ADAMTS2: variants seen among roughly 807,000 people sequenced by gnomAD.
ADAMTS2 encodes the protein ADAM metallopeptidase with thrombospondin type 1 motif 2, also known as A disintegrin and metalloproteinase with thrombospondin motifs 2.
Under a neutral mutation model 123.0 loss-of-function variants are expected in ADAMTS2, and 50 were observed. The ratio of observed to expected loss-of-function variants is 0.41; its 90% CI spans 0.32 to 0.51. ADAMTS2 has a LOEUF of 0.51. ADAMTS2 is among the 20% of genes least tolerant of loss of function. ADAMTS2 has a pLI of 0.35. For synonymous variants in ADAMTS2, 678 were observed against 695.4 expected (o/e 0.98, Z 0.39); for missense variants, 1,494 against 1,705.2 (o/e 0.88, Z 2.18).
In ADAMTS2 at chr5:179,307,933, C is replaced by G. The variant is rs1756724116; in HGVS notation, c.535-34869G>C. On this transcript the variant is annotated intron_variant, in intron 2 of 21. Transcript: ENST00000251582. This position sits in a 1 kb window ranked among gnomAD's most constrained non-coding sequence, Gnocchi z 5.6. ...TTCTTTATTGGGTCACTCTCTGCCC[C>G]CTGACCAGGGATCTTACGAGAGCAA... is the stretch of plus-strand genomic sequence containing the variant. 6.6e-6 allele frequency among the ~76,000 whole-genome samples: 1 copy of G among 152,220 alleles called. No homozygotes were observed. The highest frequency in any genetic ancestry group is 1.5e-5 in the Non-Finnish European group (1 of 68,040).
chr5:179,244,390 C>A (rs1304015577), intron 3 of ADAMTS2, among the ~76,000 whole-genome samples: 1 of 152,180 alleles, frequency 6.6e-6, no homozygotes, highest in African/African-American at 2.4e-5. Flanking sequence ...AAGCTGTCAA[C>A]CAAGAATCTT....
chr5:179,232,037 C>T (rs1218423757), intron 3 of ADAMTS2, among the ~76,000 whole-genome samples: 4 of 152,148 alleles, frequency 2.6e-5, no homozygotes, highest in Non-Finnish European at 4.4e-5. Context: ...CAGTTGCCTC[C>T]GCATTCTGTC....
chr5:179,237,533 T>G (rs1243668163), intron 3 of ADAMTS2, among the ~76,000 whole-genome samples: 7 of 152,142 alleles, frequency 4.6e-5, no homozygotes, highest in Non-Finnish European at 8.8e-5. Context: ...CAGTGTCACT[T>G]CAGCTACTCT....
chr5:179,198,244 A>G (rs1393406509), intron 4 of ADAMTS2, among the ~76,000 whole-genome samples: 1 of 152,194 alleles, frequency 6.6e-6, no homozygotes, highest in African/African-American at 2.4e-5. Flanking sequence ...GCCAGAGTAG[A>G]AAGCTGGGAG....
intron 13 of ADAMTS2, 43 bp downstream of exon 13, chr5:179,135,866 G>A (rs1763057315): frequency 3.7e-6 from 6 of 1,611,842 alleles, no homozygotes; most frequent in Non-Finnish European, 5.1e-6. Context: ...AGGAAGCTGA[G>A]ACTTGACACG....
chr5:179,158,575 C>T lies in ADAMTS2; in HGVS notation c.1132+148G>A. The T allele has an allele frequency of 9.9e-7, 1 of 1,007,684 alleles. No individual in the cohort carries two copies. The highest frequency in any genetic ancestry group is 1.5e-6 in the Non-Finnish European group (1 of 658,914). The allele number at this position is 1,007,684 out of a possible 1,614,324, so 62.4% of individuals were successfully genotyped here. On this transcript the variant is annotated intron_variant, in intron 6 of 21. Coordinates refer to ENST00000251582, the MANE Select transcript of ADAMTS2 (RefSeq NM_014244.5). The surrounding 1 kb of genome is among the most constrained non-coding windows in gnomAD (Gnocchi z 5.0). Reference sequence around the variant, plus strand: ...ATGTATTTGTCCATCAGTGCACTGCCCCACACCCTCACCCAGCTAAGGTGG... The same window carrying T: ...ATGTATTTGTCCATCAGTGCACTGCTCCACACCCTCACCCAGCTAAGGTGG...
At chr5:179,208,771 C>T (rs1311960758) in intron 3 of ADAMTS2, among the ~76,000 whole-genome samples, 1 of 152,162 alleles carries the variant, frequency 6.6e-6, no homozygotes, top group African/African-American at 2.4e-5. Flanking sequence ...CTTTCCCTTG[C>T]ACTGGTCTCT....
Position 179,241,073 on chromosome 5 carries a change from G to C in ADAMTS2, c.688+31838C>G, listed in dbSNP as rs569132337. On this transcript the variant is annotated intron_variant, in intron 3 of 21. Transcript: ENST00000251582. Reference sequence around the variant, plus strand: ...GTTTCCCTAATAGATGGGTTTAGCTGCATGGGTGAGGTAGACCAAGGCCCT... The same window carrying C: ...GTTTCCCTAATAGATGGGTTTAGCTCCATGGGTGAGGTAGACCAAGGCCCT... Among the ~76,000 whole-genome samples, 78 of 152,350 alleles carry C rather than the reference G, an allele frequency of 5.1e-4. No individual in the cohort carries two copies. The South Asian group carries it at 8.3e-3, about 16-fold the overall frequency.
intron 4 of ADAMTS2, among the ~76,000 whole-genome samples, chr5:179,192,579 G>A (rs1039715969): frequency 6.6e-6 from 1 of 152,246 alleles, no homozygotes; most frequent in Non-Finnish European, 1.5e-5. Context: ...GGAAGCACAA[G>A]GGTCCGTGAT....
chr5:179,211,127 C>G (rs1207975478), intron 3 of ADAMTS2, among the ~76,000 whole-genome samples: 3 of 152,252 alleles, frequency 2.0e-5, no homozygotes, highest in South Asian at 2.1e-4. Flanking sequence ...TTGGTCCCTC[C>G]AAGGCAGAAG....
intron 3 of ADAMTS2, among the ~76,000 whole-genome samples, chr5:179,215,448 C>T (rs1261790281): frequency 6.6e-6 from 1 of 152,094 alleles, no homozygotes; most frequent in African/African-American, 2.4e-5. Flanking sequence ...AACTCCGTCT[C>T]AAAAACACAA....
chr5:179,260,529 C>T lies in ADAMTS2; in HGVS notation c.688+12382G>A, dbSNP rs758568513. ...ACAAACAGATGGGGTCACAGGCTACCGGGTTTTGCCAGCCCAGGCTCTGAG... is the reference window on the plus strand; with the variant it reads ...ACAAACAGATGGGGTCACAGGCTACTGGGTTTTGCCAGCCCAGGCTCTGAG... On this transcript the variant is annotated intron_variant, in intron 3 of 21. Coordinates refer to ENST00000251582, the MANE Select transcript of ADAMTS2 (RefSeq NM_014244.5). The surrounding 1 kb of genome is among the most constrained non-coding windows in gnomAD (Gnocchi z 4.2). 9.2e-5 allele frequency among the ~76,000 whole-genome samples: 14 copies of T among 152,132 alleles called. No homozygotes were observed. Among genetic ancestry groups the T allele is most frequent in the South Asian group, 2.1e-4 (1 of 4,820 alleles).
chr5:179,244,186 G>A (rs1046925666), intron 3 of ADAMTS2, among the ~76,000 whole-genome samples: 1 of 141,566 alleles, frequency 7.1e-6, no homozygotes, highest in East Asian at 2.2e-4. Context: ...AACTTCAAAC[G>A]GGATAAATGC....
In ADAMTS2 at chr5:179,327,057, G is replaced by C. The variant is rs1475702384; in HGVS notation, c.534+16710C>G. 2.6e-5 allele frequency among the ~76,000 whole-genome samples: 4 copies of C among 152,182 alleles called. No homozygotes were observed. In the East Asian group the frequency reaches 7.7e-4, roughly 29 times the overall value. On this transcript the variant is annotated intron_variant, in intron 2 of 21. Transcript: ENST00000251582. The stretch of plus-strand genomic sequence containing the variant: ...CTGGAACTGTGGGACCCTTCTAGAG[G>C]GTTCCATCCTTGCTCAGCTCTAGCC...
intron 2 of ADAMTS2, among the ~76,000 whole-genome samples, chr5:179,305,105 A>C (rs1344306238): frequency 6.6e-6 from 1 of 152,122 alleles, no homozygotes; most frequent in Non-Finnish European, 1.5e-5. Flanking sequence ...TCCAGCAAAA[A>C]TACACTTCAA....
intron 2 of ADAMTS2, among the ~76,000 whole-genome samples, chr5:179,306,279 A>G (rs1756669701): frequency 6.6e-6 from 1 of 152,218 alleles, no homozygotes; most frequent in Non-Finnish European, 1.5e-5. Context: ...CAGACAAGTC[A>G]TGTTTGTCCT....
At chr5:179,292,309 A>G (rs1756211717) in intron 2 of ADAMTS2, among the ~76,000 whole-genome samples, 1 of 148,244 alleles carries the variant, frequency 6.7e-6, no homozygotes, top group African/African-American at 2.5e-5. Context: ...AGAGCCACAC[A>G]TTGTGAGCGG....
intron 2 of ADAMTS2, among the ~76,000 whole-genome samples, chr5:179,275,059 C>A (rs1766657744): frequency 6.6e-6 from 1 of 152,040 alleles, no homozygotes; most frequent in South Asian, 2.1e-4. Context: ...TGGACAGGAG[C>A]ATCAAGGGCA....
chr5:179,130,734 G>A lies in ADAMTS2; in HGVS notation c.2291-636C>T, dbSNP rs1208766903. Among the ~76,000 whole-genome samples the A allele has an allele frequency of 1.3e-5, 2 of 152,160 alleles. No homozygotes were observed. Among genetic ancestry groups the A allele is most frequent in the Non-Finnish European group, 2.9e-5 (2 of 68,022 alleles). ...GGGGTGGCTGCTGCGGGGCAGCTGG[G>A]TGATGTGAGTGGGGCCGCAGACAGG... On this transcript the variant is annotated intron_variant, in intron 15 of 21. Coordinates refer to ENST00000251582, the MANE Select transcript of ADAMTS2 (RefSeq NM_014244.5). This position sits in a 1 kb window ranked among gnomAD's most constrained non-coding sequence, Gnocchi z 4.3.
Sources: gnomAD v4.1 joint callset for allele counts (sites outside exome capture counted in the v4.1 genomes callset) on GRCh38, gnomAD v4.1.1 for gene constraint, Gnocchi (gnomAD v3.1) non-coding constraint, MANE v1.5 for transcripts, NCBI Gene and HGNC (gene_info 2026-07-23, HGNC 2026-07-21) for gene names.